PTPRA: variants seen among roughly 807,000 people sequenced by gnomAD.
PTPRA encodes the protein receptor-type tyrosine-protein phosphatase alpha.
PTPRA carries 25 observed loss-of-function variants against 104.8 expected under a neutral mutation model. The observed-to-expected ratio is 0.24, with a 90% CI of 0.17 to 0.33. The LOEUF is 0.33. PTPRA is among the 10% of genes least tolerant of loss of function. The probability of loss-of-function intolerance (pLI) is 1.00; values close to 1 mark genes in which losing one functional copy is unlikely to be tolerated. For missense variants in PTPRA, 765 were observed against 1,015.3 expected (o/e 0.75, Z 3.35); for synonymous variants, 323 against 368.9 (o/e 0.88, Z 1.43).
Position 2,923,308 on chromosome 20 carries a change from T to C in PTPRA, c.-50+23T>C, listed in dbSNP as rs751632991. 7 of 1,281,530 alleles carry C rather than the reference T, an allele frequency of 5.5e-6. No homozygotes were observed. In the South Asian group the frequency reaches 8.7e-5, roughly 16 times the overall value. 79.4% of individuals were successfully genotyped at this position (1,281,530 alleles called of 1,614,324 possible). A position where few individuals can be genotyped will look rare whatever the true frequency, so the allele number is the denominator to read the frequency against. ...AAGGTAAGAGAAATAAAACCAGAACTGTGAGGAGGCTTTTGCCAGCCAAGT... is the reference window on the plus strand; with the variant it reads ...AAGGTAAGAGAAATAAAACCAGAACCGTGAGGAGGCTTTTGCCAGCCAAGT... On this transcript the variant is annotated intron_variant, in intron 2 of 23. Transcript: ENST00000399903.
chr20:2,939,370 C>T (rs2060821114), intron 2 of PTPRA, among the ~76,000 whole-genome samples: 1 of 152,176 alleles, frequency 6.6e-6, no homozygotes, highest in South Asian at 2.1e-4. Context: ...CACCCACATT[C>T]TCTGCAGCTG....
At chr20:2,914,954 C>G (rs1441194068) in intron 1 of PTPRA, among the ~76,000 whole-genome samples, 1 of 152,166 alleles carries the variant, frequency 6.6e-6, no homozygotes, top group Non-Finnish European at 1.5e-5. Context: ...AGTCCTCATA[C>G]TATAAATAGT....
chr20:2,909,011 A>G (rs564553601), intron 1 of PTPRA, among the ~76,000 whole-genome samples: 1 of 152,312 alleles, frequency 6.6e-6, no homozygotes, highest in South Asian at 2.1e-4. Flanking sequence ...AAGCTATATA[A>G]GCCACTCCAC....
intron 6 of PTPRA, among the ~76,000 whole-genome samples, chr20:2,978,015 G>A (rs1246057723): frequency 1.3e-5 from 2 of 152,084 alleles, no homozygotes; most frequent in African/African-American, 4.8e-5. Flanking sequence ...AGACACACCA[G>A]ACAGGGCACA....
At chr20:2,866,992 G>C in the PTPRA span, among the ~76,000 whole-genome samples, 1 of 152,278 alleles carries the variant, frequency 6.6e-6, no homozygotes, top group South Asian at 2.1e-4. Flanking sequence ...AAAGCATTCT[G>C]TGTGTGTGCG....
chr20:3,000,241 T>C (rs1388962037), intron 9 of PTPRA, among the ~76,000 whole-genome samples: 1 of 152,046 alleles, frequency 6.6e-6, no homozygotes, highest in Non-Finnish European at 1.5e-5. Flanking sequence ...TGAGCCAAGA[T>C]TGCGCCACTG....
intron 1 of PTPRA, among the ~76,000 whole-genome samples, chr20:2,905,131 G>A (rs1711901965): frequency 6.6e-6 from 1 of 152,148 alleles, no homozygotes. Flanking sequence ...GATCTAGGTT[G>A]TGTGCTCCTT....
At chr20:3,036,578 C>CTTTTCTCT (rs2065810866) in intron 22 of PTPRA, among the ~76,000 whole-genome samples, 1 of 152,226 alleles carries the variant, frequency 6.6e-6, no homozygotes, top group Non-Finnish European at 1.5e-5. Context: ...TCCCACTCCT[C>CTTTTCTCT]TTTTCTCTTT....
At chr20:2,910,015 TATA>T (rs1192865384) in intron 1 of PTPRA, among the ~76,000 whole-genome samples, 5 of 87,462 alleles carry the variant, frequency 5.7e-5, no homozygotes, top group Admixed American at 1.3e-4. Context: ...ATATATCATA[TATA>T]ATCTATCATA....
upstream of PTPRA, among the ~76,000 whole-genome samples, chr20:2,869,891 C>A (rs796792912): frequency 5.9e-5 from 9 of 151,980 alleles, 1 homozygote; most frequent in African/African-American, 2.2e-4. Context: ...CGCTTGATTG[C>A]TTGAACCCAG....
At chr20:3,032,996 A>G (rs2065581476) in intron 20 of PTPRA, among the ~76,000 whole-genome samples, 1 of 150,672 alleles carries the variant, frequency 6.6e-6, no homozygotes, top group East Asian at 1.9e-4. Context: ...CCGTAGCATC[A>G]CCCCACTCAC....
intron 3 of PTPRA, among the ~76,000 whole-genome samples, chr20:2,959,102 T>G (rs866684547): frequency 6.6e-6 from 1 of 152,174 alleles, no homozygotes; most frequent in Non-Finnish European, 1.5e-5. Flanking sequence ...AGGTTTTCAC[T>G]GTGATTTTCC....
At chr20:2,958,761 T>C (rs993044409) in intron 3 of PTPRA, among the ~76,000 whole-genome samples, 9 of 147,540 alleles carry the variant, frequency 6.1e-5, no homozygotes, top group African/African-American at 1.8e-4. Flanking sequence ...GCAGGAGAAT[T>C]GCTTGAACCT....
rs556932787 is a variant in PTPRA, at chr20:2,973,311, G to A, written c.416-1904G>A. The stretch of plus-strand genomic sequence containing the variant: ...TGTTCTTTTTCTATCTTCTTGAATT[G>A]AGTGTGCTTTAATTGCATTCTTTCC... On this transcript the variant is annotated intron_variant, in intron 5 of 23. Transcript: ENST00000399903. 2.6e-5 allele frequency among the ~76,000 whole-genome samples: 4 copies of A among 151,964 alleles called. No homozygotes were observed. In the East Asian group the frequency reaches 7.7e-4, roughly 29 times the overall value.
chr20:2,868,466 A>T (rs1219021534), upstream of PTPRA, among the ~76,000 whole-genome samples: 3 of 148,546 alleles, frequency 2.0e-5, no homozygotes, highest in African/African-American at 5.0e-5. Context: ...CCTGGCCTGG[A>T]CTCCACCTCC....
In PTPRA at chr20:2,988,223, GA is replaced by G. The variant is rs1322820504; in HGVS notation, c.602-111del. ...AAAAAGAGGAAAAAAGATTTTTGAA[GA>G]AAACAGTCCTAGTTCTTACAGGCTT... is the stretch of plus-strand genomic sequence containing the variant. On this transcript the variant is annotated intron_variant, in intron 8 of 23. Coordinates refer to ENST00000399903, the MANE Select transcript of PTPRA (RefSeq NM_001385305.1). 8 of 1,527,208 alleles carry G rather than the reference GA, an allele frequency of 5.2e-6. No individual in the cohort carries two copies. The Admixed American group carries it at 1.4e-4, about 26-fold the overall frequency. The allele number at this position is 1,527,208 out of a possible 1,614,324, so 94.6% of individuals were successfully genotyped here.
chr20:2,923,943 C>A (rs1411878796), intron 2 of PTPRA, among the ~76,000 whole-genome samples: 1 of 152,162 alleles, frequency 6.6e-6, no homozygotes, highest in East Asian at 1.9e-4. Context: ...TTGGCAATAT[C>A]TGCAAAACAT....
chr20:3,023,245 A>G (rs904116248), intron 16 of PTPRA, among the ~76,000 whole-genome samples: 3 of 152,252 alleles, frequency 2.0e-5, no homozygotes, highest in Non-Finnish European at 2.9e-5. Context: ...GGAAGGCCGC[A>G]GGGACCTCTG....
the PTPRA span, chr20:2,864,320 G>C: frequency 6.2e-7 from 1 of 1,614,048 alleles, no homozygotes; most frequent in South Asian, 1.1e-5. The surrounding 1 kb of genome is among the most constrained non-coding windows in gnomAD (Gnocchi z 5.2). Flanking sequence ...CCTGGGCTAA[G>C]TGGGAGCCTG....
Sources: gnomAD v4.1 joint callset for allele counts (sites outside exome capture counted in the v4.1 genomes callset) on GRCh38, gnomAD v4.1.1 for gene constraint, Gnocchi (gnomAD v3.1) non-coding constraint, MANE v1.5 for transcripts, NCBI Gene and HGNC (gene_info 2026-07-23, HGNC 2026-07-21) for gene names.